The following GRID2 variants were observed in gnomAD, a reference collection of about 807,000 sequenced individuals.
GRID2 encodes glutamate receptor ionotropic, delta-2.
In GRID2, 33 loss-of-function variants were observed where a neutral mutation model predicts 114.8. That is an observed-to-expected ratio of 0.29 (90% CI 0.22 to 0.38). The LOEUF (loss-of-function observed/expected upper bound fraction) is 0.38, where lower values mean the gene tolerates loss of function less well. GRID2 is among the 10% of genes least tolerant of loss of function. The pLI, the probability that GRID2 is intolerant of heterozygous loss-of-function variation, is 1.00. For synonymous variants in GRID2, 505 were observed against 449.9 expected, an observed-to-expected ratio of 1.12 and a Z score of -1.55; for missense variants, 1,184 against 1,257.7, an observed-to-expected ratio of 0.94 and a Z score of 0.89.
chr4:92,699,819 C>G (rs1428239139), intron 2 of GRID2, among the ~76,000 whole-genome samples: 1 of 152,054 alleles, frequency 6.6e-6, no homozygotes, highest in Admixed American at 6.5e-5. Context: ...ATATTATCTT[C>G]TCAGATTTAT....
rs375334489 is a variant in GRID2, at chr4:92,388,006, C to T, written c.88+83262C>T. Among the ~76,000 whole-genome samples the T allele has an allele frequency of 4.6e-5, 7 of 152,130 alleles. No individual in the cohort carries two copies. The East Asian group carries it at 1.4e-3, about 29-fold the overall frequency. On this transcript the variant is annotated intron_variant, in intron 1 of 15. Transcript: ENST00000282020. ...TCAATAATAGAATAACAGAAGACAA[C>T]AAATCTTCCAACATTTTGTTTGATT...
intron 8 of GRID2, among the ~76,000 whole-genome samples, chr4:93,340,171 A>C (rs1272301539): frequency 6.6e-6 from 1 of 151,014 alleles, no homozygotes; most frequent in Non-Finnish European, 1.5e-5. Context: ...ATATTCTAGC[A>C]CATGAAAACT....
chr4:93,802,579 G>A (rs1734954075), intron 1 of GRID2, among the ~76,000 whole-genome samples: 1 of 152,128 alleles, frequency 6.6e-6, no homozygotes, highest in African/African-American at 2.4e-5. Flanking sequence ...CCTCTATAGT[G>A]TTTACATCAG....
chr4:93,657,014 G>A (rs547590842), intron 14 of GRID2, among the ~76,000 whole-genome samples: 1 of 151,922 alleles, frequency 6.6e-6, no homozygotes, highest in African/African-American at 2.4e-5. Context: ...CTGCCCTAGA[G>A]GGAAAAGGTG....
At chr4:93,697,063 A>G (rs947341086) in intron 14 of GRID2, among the ~76,000 whole-genome samples, 11 of 152,198 alleles carry the variant, frequency 7.2e-5, no homozygotes, top group African/African-American at 2.7e-4. Flanking sequence ...AAAGACATGT[A>G]TCTTAAGATT....
intron 14 of GRID2, among the ~76,000 whole-genome samples, chr4:93,759,807 T>G (rs1209131655): frequency 6.6e-6 from 1 of 152,216 alleles, no homozygotes; most frequent in East Asian, 1.9e-4. Context: ...TGTTTGTAAA[T>G]GGATACAGTG....
In GRID2 at chr4:93,626,301, T is replaced by G. The variant is rs748568790; in HGVS notation, c.2226T>G (p.Asp742Glu). Residue 742 changes from aspartate to glutamate, a missense_variant, in exon 14 of 16, where the codon GAT (aspartate) becomes GAG (glutamate). Around this residue, in one of 3 missense-constraint regions of GRID2, gnomAD observed 717 missense variants for 796.9 expected, o/e 0.90. Transcript: ENST00000282020. Reference sequence around the variant, plus strand: ...ATGGAAATTATGCTTTCGTATGGGATGCAGCTGTATTGGAATATGTGGCTA... The same window carrying G: ...ATGGAAATTATGCTTTCGTATGGGAGGCAGCTGTATTGGAATATGTGGCTA... ...VKYGNYAFVW[D>E]AAVLEYVAIN... 1.0e-5 allele frequency: 16 copies of G among 1,602,616 alleles called. No individual in the cohort carries two copies. Among genetic ancestry groups the G allele is most frequent in the Non-Finnish European group, 1.7e-6 (2 of 1,170,686 alleles).
intron 2 of GRID2, among the ~76,000 whole-genome samples, chr4:93,016,457 G>C (rs1343492686): frequency 6.6e-6 from 1 of 152,118 alleles, no homozygotes; most frequent in Non-Finnish European, 1.5e-5. Flanking sequence ...AGAGTAAAGA[G>C]AGGTCCTCCA....
chr4:93,525,857 T>C (rs956175994), intron 13 of GRID2, among the ~76,000 whole-genome samples: 5 of 152,134 alleles, frequency 3.3e-5, no homozygotes, highest in Non-Finnish European at 7.4e-5. Context: ...TTCCCCAGGA[T>C]GAAAAAAGAA....
At chr4:93,270,175 A>G (rs2149566879) in intron 8 of GRID2, among the ~76,000 whole-genome samples, 1 of 151,594 alleles carries the variant, frequency 6.6e-6, no homozygotes, top group South Asian at 2.1e-4. Flanking sequence ...ATACCAAAGC[A>G]GATAGGACTT....
intron 14 of GRID2, among the ~76,000 whole-genome samples, chr4:93,650,300 G>T (rs1722472366): frequency 6.6e-6 from 1 of 152,080 alleles, no homozygotes; most frequent in Admixed American, 6.6e-5. Flanking sequence ...TCAATTAAAA[G>T]AACTGTCTTT....
intron 1 of GRID2, among the ~76,000 whole-genome samples, chr4:92,531,382 A>C (rs1725348061): frequency 6.6e-6 from 1 of 152,180 alleles, no homozygotes; most frequent in Non-Finnish European, 1.5e-5. Flanking sequence ...GTATGACTAG[A>C]AATGTATAAA....
chr4:93,718,272 T>C (rs1415899457), intron 14 of GRID2, among the ~76,000 whole-genome samples: 1 of 152,190 alleles, frequency 6.6e-6, no homozygotes, highest in East Asian at 1.9e-4. Context: ...AAAATTATTT[T>C]CATTTATGTT....
At chr4:93,350,170 T>G (rs1459042627) in intron 8 of GRID2, among the ~76,000 whole-genome samples, 3 of 152,094 alleles carry the variant, frequency 2.0e-5, no homozygotes, top group African/African-American at 7.2e-5. Flanking sequence ...GAAAAGTCTG[T>G]CATTTATCTG....
Position 92,691,074 on chromosome 4 carries a change from C to T in GRID2, c.244+100788C>T, listed in dbSNP as rs552827265. ...TCTTCTGCCTGAAGGAACTAGTCTT[C>T]ATTATTTCTTCCCATTAGGGTGGAG... On this transcript the variant is annotated intron_variant, in intron 2 of 15. Coordinates refer to ENST00000282020, the MANE Select transcript of GRID2 (RefSeq NM_001510.4). 3.3e-5 allele frequency among the ~76,000 whole-genome samples: 5 copies of T among 152,218 alleles called. No homozygotes were observed. The East Asian group carries it at 9.7e-4, about 30-fold the overall frequency.
intron 4 of GRID2, among the ~76,000 whole-genome samples, chr4:93,201,579 T>C (rs1035749620): frequency 1.3e-5 from 2 of 152,232 alleles, no homozygotes; most frequent in African/African-American, 4.8e-5. Context: ...AAATGTGTAA[T>C]ATTTAGTACA....
chr4:93,488,525 C>A (rs1024819647), intron 11 of GRID2, among the ~76,000 whole-genome samples: 1 of 151,850 alleles, frequency 6.6e-6, no homozygotes, highest in Non-Finnish European at 1.5e-5. Context: ...AAGTCATTCA[C>A]GTATTGATAG....
chr4:93,013,964 G>T (rs1471445747), intron 2 of GRID2, among the ~76,000 whole-genome samples: 1 of 151,872 alleles, frequency 6.6e-6, no homozygotes, highest in Non-Finnish European at 1.5e-5. Context: ...TTCTCCAGAA[G>T]ATCAAATTTC....
chr4:92,589,825 T>G (rs1016955994), intron 1 of GRID2, among the ~76,000 whole-genome samples: 3 of 152,222 alleles, frequency 2.0e-5, no homozygotes, highest in African/African-American at 7.2e-5. Context: ...TTTCATGATA[T>G]AAGATATCCA....
Sources: gnomAD v4.1 joint callset for allele counts (sites outside exome capture counted in the v4.1 genomes callset) on GRCh38, gnomAD v4.1.1 for gene constraint, gnomAD v4.1.1 regional missense constraint, MANE v1.5 for transcripts, NCBI Gene and HGNC (gene_info 2026-07-23, HGNC 2026-07-21) for gene names.